The following PIGL variants were observed in gnomAD, a reference collection of about 807,000 sequenced individuals.
PIGL encodes the protein phosphatidylinositol glycan anchor biosynthesis class L.
Under a neutral mutation model 31.1 loss-of-function variants are expected in PIGL, and 22 were observed. The ratio of observed to expected loss-of-function variants is 0.71; its 90% CI spans 0.51 to 1.01. The LOEUF is 1.01. Ranked by LOEUF, PIGL falls within the 50% of genes least tolerant of loss-of-function variation. The pLI, the probability that PIGL is intolerant of heterozygous loss-of-function variation, is 0.00. For missense variants in PIGL, 302 were observed against 315.9 expected (o/e 0.96, Z 0.33); for synonymous variants, 131 against 117.4 (o/e 1.12, Z -0.75).
chr17:16,226,231 A>G (rs1238358938), intron 1 of PIGL, among the ~76,000 whole-genome samples: 2 of 152,126 alleles, frequency 1.3e-5, no homozygotes, highest in African/African-American at 2.4e-5. Flanking sequence ...TCTCTGCCTC[A>G]CAATGTTTAG....
chr17:16,307,812 A>AT (rs1450207782), intron 3 of PIGL, among the ~76,000 whole-genome samples: 2 of 151,750 alleles, frequency 1.3e-5, no homozygotes, highest in African/African-American at 2.4e-5. Flanking sequence ...ACAGAAAGAA[A>AT]TTTTTTTAAG....
rs2093063949 is a variant in PIGL at position 16,313,569 on chromosome 17, G to T, written c.449G>T (p.Gly150Val). Reference protein sequence around the residue: ...INLVVTFDAGGVSGHSNHIAL... With the variant: ...INLVVTFDAGVVSGHSNHIAL... ...CAGGTGGTGACTTTCGATGCAGGGG[G>T]AGTAAGTGGCCACAGCAATCACATT... Residue 150 changes from glycine (G) to valine (V), a missense_variant, in exon 4 of 7, where the codon GGA (glycine) becomes GTA (valine). By Grantham distance (109) the Gly-to-Val change is moderately radical. Coordinates refer to ENST00000225609, the MANE Select transcript of PIGL (RefSeq NM_004278.4). 5.6e-6 allele frequency: 9 copies of T among 1,614,004 alleles called. No individual in the cohort carries two copies. The highest frequency in any genetic ancestry group is 7.6e-6 in the Non-Finnish European group (9 of 1,179,838).
chr17:16,313,080 A>G (rs1028614336), intron 3 of PIGL, among the ~76,000 whole-genome samples: 10 of 152,218 alleles, frequency 6.6e-5, no homozygotes, highest in African/African-American at 2.4e-4. Flanking sequence ...ATCTATGAAT[A>G]AATACACTTT....
chr17:16,308,585 C>T (rs533524144), intron 3 of PIGL, among the ~76,000 whole-genome samples: 63 of 152,038 alleles, frequency 4.1e-4, no homozygotes, highest in African/African-American at 1.3e-3. Flanking sequence ...GGCACTATTG[C>T]GCATTTGAGA....
intron 1 of PIGL, among the ~76,000 whole-genome samples, chr17:16,229,195 T>G (rs967707880): frequency 2.0e-5 from 3 of 152,108 alleles, no homozygotes; most frequent in African/African-American, 7.2e-5. Context: ...GAGAATCCCT[T>G]GAATCCAGGA....
intron 1 of PIGL, among the ~76,000 whole-genome samples, chr17:16,231,232 CTTTTTTT>C (rs975246766): frequency 1.6e-5 from 2 of 126,510 alleles, no homozygotes; most frequent in African/African-American, 5.8e-5. Context: ...ATTTTCTTTT[CTTTTTTT>C]TTTTTTTTTT....
Position 16,240,491 on chromosome 17 carries a change from TTTG to T in PIGL, c.335+6424_335+6426del, listed in dbSNP as rs1404275616. On this transcript the variant is annotated intron_variant, in intron 2 of 6. Transcript: ENST00000225609. ...CCACGCGCAGCCCCAGCCCCAAGGT[TTTG>T]TTTTCTTTTGTTTTTTTCATTTTAT... 8.6e-5 allele frequency among the ~76,000 whole-genome samples: 13 copies of T among 151,792 alleles called. No individual in the cohort carries two copies. In the East Asian group the frequency reaches 2.1e-3, roughly 25 times the overall value.
intron 2 of PIGL, among the ~76,000 whole-genome samples, chr17:16,244,325 T>C (rs1432403906): frequency 1.3e-5 from 2 of 152,182 alleles, no homozygotes; most frequent in African/African-American, 2.4e-5. Context: ...AGTTAGTTCA[T>C]CCTATGCCCA....
At chr17:16,232,969 T>C (rs2092685091) in intron 1 of PIGL, among the ~76,000 whole-genome samples, 2 of 151,914 alleles carry the variant, frequency 1.3e-5, no homozygotes, top group Admixed American at 1.3e-4. Context: ...AATACAAAAA[T>C]TAGCCCGGTG....
rs538857964 is a variant in PIGL at position 16,276,229 on chromosome 17, T to G, written c.336-23659T>G. ...TATTCAAAGTAAACTAAATAAGAAG[T>G]CTTTCCATGAACTGGGCAATTGTTG... On this transcript the variant is annotated intron_variant, in intron 2 of 6. Transcript: ENST00000225609. Among the ~76,000 whole-genome samples the G allele has an allele frequency of 2.6e-5, 4 of 152,230 alleles. No homozygotes were observed. The East Asian group carries it at 5.8e-4, about 22-fold the overall frequency.
chr17:16,230,020 G>T (rs571121337), intron 1 of PIGL, among the ~76,000 whole-genome samples: 32 of 151,864 alleles, frequency 2.1e-4, no homozygotes, highest in Non-Finnish European at 4.6e-4. Context: ...TGCCCACCAT[G>T]CCCAGCTAAT....
intron 2 of PIGL, chr17:16,281,975 TGGAAGGGGGGCGACAGCTGTCCATG>T (rs1341465518): frequency 4.2e-6 from 2 of 481,768 alleles, no homozygotes; most frequent in African/African-American, 3.9e-5. Flanking sequence ...CCCCAGACAA[TGGAAGGGGGGCGACAGCTGTCCATG>T]GGGGCACTGC....
chr17:16,273,243 GT>G, intron 2 of PIGL, among the ~76,000 whole-genome samples: 1 of 152,236 alleles, frequency 6.6e-6, no homozygotes, highest in East Asian at 1.9e-4. Flanking sequence ...CTAGAGACAG[GT>G]TGCCTGTGAT....
chr17:16,313,461 C>G lies in PIGL; in HGVS notation c.427-86C>G, dbSNP rs114778227. On this transcript the variant is annotated intron_variant, in intron 3 of 6. Transcript: ENST00000225609. ...ATTTGAAAAGTTTCAGGGTTCTGTT[C>G]TCTCCTTCCCAAGGGAAGGAGACAG... The G allele has an allele frequency of 1.1e-3, 1,032 of 961,212 alleles. 9 individuals carry two copies. The African/African-American group carries it at 0.015, about 14-fold the overall frequency. 59.5% of individuals were successfully genotyped at this position (961,212 alleles called of 1,614,324 possible). A position where few individuals can be genotyped will look rare whatever the true frequency, so the allele number is the denominator to read the frequency against.
rs999367943 is a variant in PIGL, at chr17:16,250,882, A to G, written c.335+16812A>G. 2.4e-4 allele frequency among the ~76,000 whole-genome samples: 36 copies of G among 152,188 alleles called. 1 individual carries two copies. Among genetic ancestry groups the G allele is most frequent in the African/African-American group, 7.0e-4 (29 of 41,512 alleles). On this transcript the variant is annotated intron_variant, in intron 2 of 6. Transcript: ENST00000225609. ...GTGTACAGTATATGCTTCAACCACT[A>G]TTTTCCACCTACTCCATGCCTGACA...
chr17:16,241,071 G>A (rs1237484314), intron 2 of PIGL, among the ~76,000 whole-genome samples: 13 of 125,266 alleles, frequency 1.0e-4, no homozygotes, highest in African/African-American at 2.8e-4. Context: ...CCGAAATCAC[G>A]CCATTGCACT....
At chr17:16,262,690 A>G (rs2142752265) in intron 2 of PIGL, among the ~76,000 whole-genome samples, 1 of 152,294 alleles carries the variant, frequency 6.6e-6, no homozygotes, top group South Asian at 2.1e-4. Context: ...GAATTACCAC[A>G]TGACTAGCAA....
chr17:16,243,813 A>G (rs1408602484), intron 2 of PIGL, among the ~76,000 whole-genome samples: 1 of 152,246 alleles, frequency 6.6e-6, no homozygotes, highest in Non-Finnish European at 1.5e-5. Context: ...CTGCCTAGAC[A>G]GAGCCAATTT....
intron 1 of PIGL, among the ~76,000 whole-genome samples, chr17:16,230,153 G>A (rs1427519892): frequency 1.3e-5 from 2 of 152,056 alleles, no homozygotes; most frequent in African/African-American, 4.8e-5. Flanking sequence ...GAGGCACTGT[G>A]CCTGGCCAAG....
Sources: allele counts gnomAD v4.1 joint callset (sites outside exome capture counted in the v4.1 genomes callset), GRCh38; gene constraint gnomAD v4.1.1; transcripts MANE v1.5; gene names NCBI Gene and HGNC (gene_info 2026-07-23, HGNC 2026-07-21).